Variants in CALN1 observed in about 807,000 individuals in gnomAD.
CALN1 encodes calcium-binding protein 8.
Under a neutral mutation model 30.6 loss-of-function variants are expected in CALN1, and 17 were observed. The ratio of observed to expected loss-of-function variants is 0.56; its 90% confidence interval spans 0.38 to 0.83. The LOEUF (loss-of-function observed/expected upper bound fraction) is 0.83. CALN1 is among the 40% of genes least tolerant of loss of function. CALN1 has a pLI of 0.00. For synonymous variants in CALN1, 156 were observed against 131.4 expected, an observed-to-expected ratio of 1.19 and a Z score of -1.28; for missense variants, 291 against 354.9, an observed-to-expected ratio of 0.82 and a Z score of 1.45.
chr7:72,312,251 A>C lies in CALN1; in HGVS notation c.120-33441T>G, dbSNP rs1800102298. Among the ~76,000 whole-genome samples, 3 of 152,080 alleles carry C rather than the reference A, an allele frequency of 2.0e-5. No homozygotes were observed. The South Asian group carries it at 6.2e-4, about 32-fold the overall frequency. The stretch of plus-strand genomic sequence containing the variant: ...AAACCCTGTCTCTACTAAAAATACA[A>C]GAATTAGCAGGGTGTGGTGGTGCAT... On this transcript the variant is annotated intron_variant, in intron 2 of 6. Coordinates refer to ENST00000395275, the MANE Select transcript of CALN1 (RefSeq NM_031468.4).
intron 5 of CALN1, among the ~76,000 whole-genome samples, chr7:71,944,524 G>A (rs1291364716): frequency 7.1e-6 from 1 of 141,724 alleles, no homozygotes; most frequent in Non-Finnish European, 1.5e-5. Flanking sequence ...AACCTGGGAG[G>A]CAGAGGTTGC....
At chr7:71,945,780 A>G (rs1796376067) in intron 5 of CALN1, among the ~76,000 whole-genome samples, 1 of 152,220 alleles carries the variant, frequency 6.6e-6, no homozygotes, top group Non-Finnish European at 1.5e-5. Flanking sequence ...ACGTTGTGTA[A>G]TTATTTCATT....
Position 72,164,294 on chromosome 7 carries a change from G to A in CALN1, c.245-58000C>T, listed in dbSNP as rs751251209. On this transcript the variant is annotated intron_variant, in intron 3 of 6. Transcript: ENST00000395275. ...GAAGCAGCAGAATCACTTGAACCTG[G>A]GAGCCAAGATCACGCCATTGCACTC... 5.6e-4 allele frequency among the ~76,000 whole-genome samples: 84 copies of A among 150,652 alleles called. 2 individuals are homozygous for A. Among genetic ancestry groups the A allele is most frequent in the Admixed American group, 3.7e-3 (56 of 15,078 alleles).
chr7:72,484,543 C>T, the CALN1 span, among the ~76,000 whole-genome samples: 2 of 152,198 alleles, frequency 1.3e-5, no homozygotes, highest in African/African-American at 2.4e-5. Context: ...CGCCCGCCCC[C>T]GCGTAGTTTC....
chr7:71,981,118 G>GT (rs542216200), intron 5 of CALN1, among the ~76,000 whole-genome samples: 32 of 152,146 alleles, frequency 2.1e-4, no homozygotes, highest in Non-Finnish European at 3.8e-4. Flanking sequence ...ATATATATTA[G>GT]TTTTTATCCA....
chr7:71,845,148 T>A (rs941255539), intron 5 of CALN1, among the ~76,000 whole-genome samples: 1 of 152,162 alleles, frequency 6.6e-6, no homozygotes, highest in African/African-American at 2.4e-5. Context: ...CCTCCCAAAG[T>A]GCTGGAATTA....
chr7:72,134,564 T>C (rs1809376396), intron 3 of CALN1, among the ~76,000 whole-genome samples: 1 of 152,234 alleles, frequency 6.6e-6, no homozygotes, highest in African/African-American at 2.4e-5. Flanking sequence ...AGTAGCATTA[T>C]ATCTTTAAAA....
At chr7:72,434,683 A>G (rs531571292) in intron 1 of CALN1, among the ~76,000 whole-genome samples, 4 of 152,232 alleles carry the variant, frequency 2.6e-5, no homozygotes, top group African/African-American at 7.2e-5. Flanking sequence ...TCTCTTAGCT[A>G]TAAGACCATG....
intron 2 of CALN1, among the ~76,000 whole-genome samples, chr7:72,396,413 ACT>A (rs1394112914): frequency 7.9e-6 from 1 of 126,370 alleles, no homozygotes; most frequent in African/African-American, 3.3e-5. Flanking sequence ...ACAAAAGGAG[ACT>A]CTGTCTCAAA....
chr7:72,260,087 C>T (rs1248216493), intron 3 of CALN1, among the ~76,000 whole-genome samples: 1 of 152,162 alleles, frequency 6.6e-6, no homozygotes, highest in Non-Finnish European at 1.5e-5. Context: ...TAAAAATTAG[C>T]TGAGTGTGAT....
chr7:71,969,300 C>T lies in CALN1; in HGVS notation c.501+54357G>A, dbSNP rs528374889. The stretch of plus-strand genomic sequence containing the variant: ...AGCAGGGCACTGGGTGTCTGACATG[C>T]ATTCTCGGTATTAACCTTCTCCTCA... On this transcript the variant is annotated intron_variant, in intron 5 of 6. Transcript: ENST00000395275. Among the ~76,000 whole-genome samples, 102 of 152,260 alleles carry T rather than the reference C, an allele frequency of 6.7e-4. 1 individual carries two copies. The highest frequency in any genetic ancestry group is 2.4e-3 in the African/African-American group (99 of 41,552).
intron 1 of CALN1, among the ~76,000 whole-genome samples, chr7:72,404,356 G>A (rs1379380530): frequency 6.6e-6 from 1 of 152,192 alleles, no homozygotes; most frequent in Non-Finnish European, 1.5e-5. Context: ...CAATAAATAT[G>A]TATTGAACAC....
At position 72,099,088 on chromosome 7, in the gene CALN1, C is replaced by T. The variant is rs561588785; in HGVS notation, c.388+7063G>A. Among the ~76,000 whole-genome samples the T allele has an allele frequency of 7.9e-5, 12 of 152,232 alleles. No individual in the cohort carries two copies. The South Asian group carries it at 1.0e-3, about 13-fold the overall frequency. On this transcript the variant is annotated intron_variant, in intron 4 of 6. Transcript: ENST00000395275. ...CGTGCCGAAGGTATGACCTCACTGT[C>T]GGGCAAAGCGGCAGGGACCCCAGAG...
rs1563032867 is a variant in CALN1, at chr7:72,073,572, A to T, written c.388+32579T>A. Among the ~76,000 whole-genome samples the T allele has an allele frequency of 2.0e-5, 3 of 152,080 alleles. No individual in the cohort carries two copies. The East Asian group carries it at 5.8e-4, about 29-fold the overall frequency. On this transcript the variant is annotated intron_variant, in intron 4 of 6. Coordinates refer to ENST00000395275, the MANE Select transcript of CALN1 (RefSeq NM_031468.4). ...GGAGAAAAAGGGGAGGGGAATAATA[A>T]AAGTGTTTATCTGTGTGGAATTAGG...
At chr7:72,161,852 A>G (rs1312225668) in intron 3 of CALN1, among the ~76,000 whole-genome samples, 2 of 152,042 alleles carry the variant, frequency 1.3e-5, no homozygotes, top group South Asian at 2.1e-4. Flanking sequence ...GCAAACCACC[A>G]TAACACATGC....
At chr7:72,492,467 A>G in the CALN1 span, among the ~76,000 whole-genome samples, 3 of 152,188 alleles carry the variant, frequency 2.0e-5, no homozygotes, top group African/African-American at 7.2e-5. Flanking sequence ...TGCTTACTAC[A>G]GGGGCTGTTG....
chr7:72,368,035 GGCATGA>G (rs1803979048), intron 2 of CALN1, among the ~76,000 whole-genome samples: 1 of 151,878 alleles, frequency 6.6e-6, no homozygotes, highest in African/African-American at 2.4e-5. Context: ...GCAGAAGAAT[GGCATGA>G]ACCCGGGAGG....
At chr7:72,326,794 G>C (rs1801309570) in intron 2 of CALN1, among the ~76,000 whole-genome samples, 1 of 152,194 alleles carries the variant, frequency 6.6e-6, no homozygotes, top group African/African-American at 2.4e-5. Context: ...CCACAGCTGA[G>C]TGTAGGGGAA....
chr7:72,177,341 G>A (rs1427528083), intron 3 of CALN1, among the ~76,000 whole-genome samples: 1 of 152,172 alleles, frequency 6.6e-6, no homozygotes, highest in Non-Finnish European at 1.5e-5. Context: ...GCTATGTCAT[G>A]ACTCTTAAGC....
Sources: gnomAD v4.1 joint callset for allele counts (sites outside exome capture counted in the v4.1 genomes callset) on GRCh38, gnomAD v4.1.1 for gene constraint, MANE v1.5 for transcripts, NCBI Gene and HGNC (gene_info 2026-07-23, HGNC 2026-07-21) for gene names.